The following OXR1 variants were observed in gnomAD, a reference collection of about 807,000 sequenced individuals.
The protein encoded by OXR1 is oxidation resistance 1, also known as oxidation resistance protein 1.
A neutral mutation model predicts 104.6 loss-of-function variants in OXR1; 41 were observed. The observed-to-expected ratio is 0.39, with a 90% CI of 0.31 to 0.51. The LOEUF (loss-of-function observed/expected upper bound fraction) is 0.51. OXR1 is among the 20% of genes least tolerant of loss of function. OXR1 has a pLI of 0.77. For synonymous variants in OXR1, 348 were observed against 348.4 expected, an observed-to-expected ratio of 1.00 and a Z score of 0.01; for missense variants, 955 against 1,031.9, an observed-to-expected ratio of 0.93 and a Z score of 1.02.
At chr8:106,368,883 G>A (rs1368915564) in intron 2 of OXR1, among the ~76,000 whole-genome samples, 1 of 152,172 alleles carries the variant, frequency 6.6e-6, no homozygotes, top group Non-Finnish European at 1.5e-5. Context: ...TGTCTTTAGA[G>A]TATAATGATT....
At chr8:106,401,432 AGG>A (rs1005870406) in intron 2 of OXR1, among the ~76,000 whole-genome samples, 6 of 152,160 alleles carry the variant, frequency 3.9e-5, no homozygotes, top group Non-Finnish European at 5.9e-5. Flanking sequence ...GTGTGATGCC[AGG>A]GCTCTGAATT....
intron 2 of OXR1, among the ~76,000 whole-genome samples, chr8:106,382,689 T>G (rs972510560): frequency 4.4e-5 from 6 of 137,060 alleles, no homozygotes; most frequent in Admixed American, 2.1e-4. Context: ...TAGGTTTTTT[T>G]TTTTTTTTTT....
chr8:106,574,132 T>C (rs1415722152), intron 3 of OXR1, among the ~76,000 whole-genome samples: 1 of 152,194 alleles, frequency 6.6e-6, no homozygotes, highest in Admixed American at 6.6e-5. Flanking sequence ...ATTCTAAGAA[T>C]AATAACAAAA....
At chr8:106,684,408 T>G in intron 6 of OXR1, 49 bp downstream of exon 6, 10 of 884,218 alleles carry the variant, frequency 1.1e-5, no homozygotes, top group Non-Finnish European at 1.9e-5. Flanking sequence ...TCTCACTTTG[T>G]CTACATTGAC....
intron 2 of OXR1, among the ~76,000 whole-genome samples, chr8:106,511,576 T>G (rs555860057): frequency 1.3e-5 from 2 of 152,090 alleles, no homozygotes; most frequent in Non-Finnish European, 2.9e-5. Context: ...CACACACTTG[T>G]GTGAATATAC....
At chr8:106,434,703 T>G (rs1819501649) in intron 2 of OXR1, among the ~76,000 whole-genome samples, 1 of 152,228 alleles carries the variant, frequency 6.6e-6, no homozygotes. Context: ...ACTTTACTTC[T>G]ACATTTATCT....
intron 8 of OXR1, among the ~76,000 whole-genome samples, chr8:106,703,339 C>T (rs1830750475): frequency 6.6e-6 from 1 of 152,134 alleles, no homozygotes; most frequent in African/African-American, 2.4e-5. Flanking sequence ...CTATAGTGCC[C>T]ATTTAATTCA....
intron 2 of OXR1, among the ~76,000 whole-genome samples, chr8:106,386,413 A>G (rs1185991575): frequency 1.3e-5 from 2 of 152,198 alleles, no homozygotes; most frequent in Admixed American, 1.3e-4. Flanking sequence ...TTCTATAGAA[A>G]TTATCTCCTC....
intron 11 of OXR1, among the ~76,000 whole-genome samples, chr8:106,717,148 T>C (rs1045135373): frequency 6.6e-6 from 1 of 151,942 alleles, no homozygotes; most frequent in Non-Finnish European, 1.5e-5. Context: ...ATCACACCAC[T>C]GCACTCCAGC....
chr8:106,475,649 T>C (rs1220573517), intron 2 of OXR1, among the ~76,000 whole-genome samples: 1 of 152,050 alleles, frequency 6.6e-6, no homozygotes, highest in African/African-American at 2.4e-5. Context: ...CCATATCTTA[T>C]GAGTCCATTT....
intron 2 of OXR1, among the ~76,000 whole-genome samples, chr8:106,489,724 TATC>T (rs113374197): frequency 0.012 from 1,899 of 152,284 alleles, 31 homozygotes; most frequent in East Asian, 0.08. Flanking sequence ...CTTCTGTACT[TATC>T]ATGTTTAGTT....
At chr8:106,735,742 T>G (rs1834309869) in intron 11 of OXR1, among the ~76,000 whole-genome samples, 1 of 152,122 alleles carries the variant, frequency 6.6e-6, no homozygotes, top group African/African-American at 2.4e-5. Context: ...CCCATGATGT[T>G]TTTTATTTTT....
In OXR1 at chr8:106,523,399, C is replaced by T. The variant is rs537176731; in HGVS notation, c.220+4260C>T. On this transcript the variant is annotated intron_variant, in intron 3 of 16. Coordinates refer to ENST00000517566, the MANE Select transcript of OXR1 (RefSeq NM_001198533.2). ...AGATCTTGGTGACCATTTTAGAATTCTGCCTATCACATTTTACAGCACCAC... is the reference window on the plus strand; with the variant it reads ...AGATCTTGGTGACCATTTTAGAATTTTGCCTATCACATTTTACAGCACCAC... 9.9e-5 allele frequency among the ~76,000 whole-genome samples: 15 copies of T among 151,722 alleles called. No homozygotes were observed. In the South Asian group the frequency reaches 2.9e-3, roughly 29 times the overall value.
intron 3 of OXR1, among the ~76,000 whole-genome samples, chr8:106,653,691 C>T (rs759330345): frequency 2.0e-5 from 3 of 151,838 alleles, no homozygotes; most frequent in Non-Finnish European, 4.4e-5. Flanking sequence ...AGGAATAAAA[C>T]GATATCTGCT....
chr8:106,419,319 T>A (rs972679133), intron 2 of OXR1, among the ~76,000 whole-genome samples: 15 of 152,138 alleles, frequency 9.9e-5, no homozygotes, highest in African/African-American at 3.6e-4. Context: ...CTATTTCTTA[T>A]CCTCTATTTA....
intron 2 of OXR1, among the ~76,000 whole-genome samples, chr8:106,497,645 A>G (rs1217571857): frequency 6.6e-6 from 1 of 152,186 alleles, no homozygotes; most frequent in Non-Finnish European, 1.5e-5. Flanking sequence ...TATTTGATGA[A>G]GATCAAAATC....
At chr8:106,708,420 A>G (rs1331247423) in intron 9 of OXR1, among the ~76,000 whole-genome samples, 1 of 152,070 alleles carries the variant, frequency 6.6e-6, no homozygotes, top group Non-Finnish European at 1.5e-5. Flanking sequence ...TAAAAAACAA[A>G]AACCAGTAAC....
intron 3 of OXR1, among the ~76,000 whole-genome samples, chr8:106,581,517 C>A (rs1586843959): frequency 6.6e-6 from 1 of 151,514 alleles, no homozygotes; most frequent in South Asian, 2.1e-4. Flanking sequence ...TAAAAAAAAC[C>A]TTTTAAACAT....
intron 16 of OXR1, among the ~76,000 whole-genome samples, chr8:106,749,317 A>G (rs1371788856): frequency 1.3e-5 from 2 of 149,308 alleles, no homozygotes; most frequent in African/African-American, 2.5e-5. Context: ...CACTCCAGCT[A>G]GGGTGACAGA....
Sources: allele counts gnomAD v4.1 joint callset (sites outside exome capture counted in the v4.1 genomes callset), GRCh38; gene constraint gnomAD v4.1.1; transcripts MANE v1.5; gene names NCBI Gene and HGNC (gene_info 2026-07-23, HGNC 2026-07-21).